VEPH1: variants seen among roughly 807,000 people sequenced by gnomAD.
VEPH1 encodes the protein ventricular zone expressed PH domain containing 1.
A neutral mutation model predicts 85.2 loss-of-function variants in VEPH1; 80 were observed. The observed-to-expected ratio is 0.94, with a 90% CI of 0.78 to 1.13. The LOEUF (loss-of-function observed/expected upper bound fraction) is 1.13, where lower values mean the gene tolerates loss of function less well. Among genes scored for constraint, VEPH1 ranks in the 50% most tolerant of loss-of-function variants. The pLI is 0.00. For synonymous variants in VEPH1, 297 were observed against 348.0 expected, an observed-to-expected ratio of 0.85 and a Z score of 1.63; for missense variants, 955 against 980.5, an observed-to-expected ratio of 0.97 and a Z score of 0.35.
chr3:157,261,452 G>A, intron 13 of VEPH1, 82 bp from the exon 14 acceptor site: 1 of 1,553,414 alleles, frequency 6.4e-7, no homozygotes, highest in South Asian at 1.2e-5. Flanking sequence ...CTTTCTAAGA[G>A]GGCCAGAATC....
intron 4 of VEPH1, among the ~76,000 whole-genome samples, chr3:157,438,587 G>C (rs1484537846): frequency 6.6e-6 from 1 of 152,154 alleles, no homozygotes; most frequent in Non-Finnish European, 1.5e-5. Context: ...GCGTGGAACA[G>C]TCAGGTGTAG....
intron 2 of VEPH1, among the ~76,000 whole-genome samples, chr3:157,489,545 T>C (rs1739020501): frequency 6.6e-6 from 1 of 152,180 alleles, no homozygotes; most frequent in Admixed American, 6.6e-5. Flanking sequence ...CAGTATGGAC[T>C]ACCTTGTGCA....
intron 6 of VEPH1, chr3:157,413,407 G>C (rs1731669839): frequency 1.1e-6 from 1 of 894,396 alleles, no homozygotes; most frequent in African/African-American, 1.8e-5. Flanking sequence ...GATAGCTATG[G>C]GCTCTCATTA....
At chr3:157,438,514 G>A (rs1433178940) in intron 4 of VEPH1, among the ~76,000 whole-genome samples, 1 of 152,120 alleles carries the variant, frequency 6.6e-6, no homozygotes, top group Non-Finnish European at 1.5e-5. Flanking sequence ...GGGTCCCCCA[G>A]CCCCCGGGGT....
chr3:157,442,910 C>T (rs1577671981), intron 4 of VEPH1: 2 of 1,614,048 alleles, frequency 1.2e-6, no homozygotes, highest in East Asian at 4.5e-5. Context: ...CTTGTCACAT[C>T]CGGGGGAATA....
chr3:157,428,254 T>TA, intron 5 of VEPH1, 68 bp downstream of exon 5: 1 of 1,553,072 alleles, frequency 6.4e-7, no homozygotes, highest in Non-Finnish European at 8.8e-7. Context: ...CCTAAGCACA[T>TA]ACGCTGTTCA....
intron 5 of VEPH1, among the ~76,000 whole-genome samples, chr3:157,415,552 G>A (rs1472070620): frequency 1.3e-5 from 2 of 152,074 alleles, no homozygotes; most frequent in East Asian, 1.9e-4. Context: ...CCTGTCTTCA[G>A]TCTTGCCCAT....
intron 7 of VEPH1, among the ~76,000 whole-genome samples, chr3:157,380,256 C>T (rs1728611970): frequency 6.6e-6 from 1 of 152,206 alleles, no homozygotes; most frequent in African/African-American, 2.4e-5. Flanking sequence ...CTTGATCTGG[C>T]TCATCTGCCT....
At chr3:157,356,951 C>G (rs1407182955) in intron 9 of VEPH1, among the ~76,000 whole-genome samples, 4 of 152,252 alleles carry the variant, frequency 2.6e-5, no homozygotes, top group Non-Finnish European at 5.9e-5. Context: ...ATAATAATCT[C>G]TGAGTATAAG....
At chr3:157,353,884 T>C (rs1577419271) in intron 9 of VEPH1, among the ~76,000 whole-genome samples, 1 of 152,136 alleles carries the variant, frequency 6.6e-6, no homozygotes, top group South Asian at 2.1e-4. Context: ...TGGCATGTAG[T>C]AGGCACTCAA....
chr3:157,391,222 T>C lies in VEPH1; in HGVS notation c.907-9846A>G, dbSNP rs376875536. ...CCAGCCCAATGGTCACAAGGAAAAC[T>C]TGGGCAGAGGTGCCACTGGCCATAG... On this transcript the variant is annotated intron_variant, in intron 6 of 13. Transcript: ENST00000362010. 2.6e-5 allele frequency among the ~76,000 whole-genome samples: 4 copies of C among 152,288 alleles called. No homozygotes were observed. In the East Asian group the frequency reaches 5.8e-4, roughly 22 times the overall value.
chr3:157,375,601 G>A (rs1728001984), intron 7 of VEPH1, among the ~76,000 whole-genome samples: 1 of 152,184 alleles, frequency 6.6e-6, no homozygotes, highest in Non-Finnish European at 1.5e-5. Context: ...GCCACTCCAA[G>A]GAAGACAGAT....
chr3:157,462,026 C>A (rs1735922127), intron 3 of VEPH1, among the ~76,000 whole-genome samples: 1 of 148,212 alleles, frequency 6.7e-6, no homozygotes, highest in Non-Finnish European at 1.5e-5. Context: ...ACTGGTAAAC[C>A]TTTGGATAAA....
At chr3:157,427,667 C>T (rs1732853928) in intron 5 of VEPH1, among the ~76,000 whole-genome samples, 1 of 152,062 alleles carries the variant, frequency 6.6e-6, no homozygotes, top group East Asian at 1.9e-4. Context: ...GTTGTCCAGG[C>T]TGGCCTCAAA....
intron 12 of VEPH1, among the ~76,000 whole-genome samples, chr3:157,272,298 C>T (rs965647892): frequency 2.1e-5 from 3 of 143,540 alleles, no homozygotes; most frequent in Non-Finnish European, 3.1e-5. Flanking sequence ...CCTTCCTTCC[C>T]TTCCTCTCTC....
intron 5 of VEPH1, among the ~76,000 whole-genome samples, chr3:157,421,281 C>T (rs953306838): frequency 1.3e-5 from 2 of 152,040 alleles, no homozygotes; most frequent in African/African-American, 4.8e-5. Context: ...GACCCTCCAG[C>T]CCTGGAAAGC....
In VEPH1 at chr3:157,420,594, T is replaced by G. The variant is rs898951892; in HGVS notation, c.697-6504A>C. ...TCTAAATTTCAGAACAGTCTACATA[T>G]TCCAGCACTCTGTCTTCTTAATGTT... On this transcript the variant is annotated intron_variant, in intron 5 of 13. Transcript: ENST00000362010. Among the ~76,000 whole-genome samples, 5 of 152,232 alleles carry G rather than the reference T, an allele frequency of 3.3e-5. 1 individual carries two copies. The South Asian group carries it at 1.0e-3, about 32-fold the overall frequency.
At position 157,438,035 on chromosome 3, in the gene VEPH1, G is replaced by GCA. The variant is rs1294089889; in HGVS notation, c.530-9548_530-9547insTG. 951 of 700,940 alleles carry GCA rather than the reference G, an allele frequency of 1.4e-3. 3 individuals carry two copies. In the East Asian group the frequency reaches 0.02, roughly 15 times the overall value. The allele number at this position is 700,940 out of a possible 1,614,324, so 43.4% of individuals were successfully genotyped here. On this transcript the variant is annotated intron_variant, in intron 4 of 13. Coordinates refer to ENST00000362010, the MANE Select transcript of VEPH1 (RefSeq NM_001167912.2). ...TTTCATGGGAAGCGCGCGCGCGCGC[G>GCA]CGCACACACACACACACACACACAC...
intron 9 of VEPH1, among the ~76,000 whole-genome samples, chr3:157,318,514 G>A (rs1720995552): frequency 6.6e-6 from 1 of 152,084 alleles, no homozygotes; most frequent in Non-Finnish European, 1.5e-5. Flanking sequence ...GGGCAGAGCA[G>A]GAGGTGGGCT....
Sources: allele counts gnomAD v4.1 joint callset (sites outside exome capture counted in the v4.1 genomes callset), GRCh38; gene constraint gnomAD v4.1.1; transcripts MANE v1.5; gene names NCBI Gene and HGNC (gene_info 2026-07-23, HGNC 2026-07-21).